CNTRL: variants seen among roughly 807,000 people sequenced by gnomAD.
The protein encoded by CNTRL is centriolin.
CNTRL carries 233 observed loss-of-function variants against 303.7 expected under a neutral mutation model. The ratio of observed to expected loss-of-function variants is 0.77; its 90% CI spans 0.69 to 0.86. The LOEUF is 0.86. Ranked by LOEUF, CNTRL falls within the 40% of genes least tolerant of loss-of-function variation. CNTRL has a pLI of 0.00. For missense variants in CNTRL, 2,524 were observed against 2,650.6 expected (o/e 0.95, Z 1.05); for synonymous variants, 900 against 922.2 (o/e 0.98, Z 0.44).
intron 39 of CNTRL, 65 bp downstream of exon 39, chr9:121,169,881 C>A (rs998217980): frequency 3.9e-6 from 5 of 1,276,366 alleles, no homozygotes; most frequent in Middle Eastern, 4.4e-4. Flanking sequence ...AACTGCAACA[C>A]CACTTCAACA....
Position 121,150,335 on chromosome 9 carries a change from A to G in CNTRL, c.3815A>G (p.Asn1272Ser), listed in dbSNP as rs142819765. 362 of 1,614,120 alleles carry G rather than the reference A, an allele frequency of 2.2e-4. No individual in the cohort carries two copies. In the African/African-American group the frequency reaches 4.1e-3, roughly 18 times the overall value. ...LYAPPPPLPN[N>S]SRPLTPGTVV... ...GCACCACCTCCTCCCTTGCCAAACA[A>G]TAGCCGACCTCTCACCCCTGGCACT... The change falls in exon 25 of 44, where the codon AAT (asparagine) becomes AGT (serine). Residue 1272 changes from asparagine (N) to serine (S), a missense_variant. Coordinates refer to ENST00000373855, the MANE Select transcript of CNTRL (RefSeq NM_007018.6).
intron 11 of CNTRL, among the ~76,000 whole-genome samples, chr9:121,117,935 C>T (rs180876779): frequency 2.0e-5 from 3 of 151,214 alleles, no homozygotes; most frequent in East Asian, 1.9e-4. Flanking sequence ...GCCGAGATCG[C>T]GCCACTGCAC....
At chr9:121,166,269 C>A in intron 36 of CNTRL, 89 bp downstream of exon 36, 2 of 883,610 alleles carry the variant, frequency 2.3e-6, no homozygotes, top group Non-Finnish European at 3.5e-6. Flanking sequence ...TAGGCTGGTT[C>A]CTCTTCACAA....
chr9:121,096,533 C>A lies in CNTRL; in HGVS notation c.591C>A (p.Val197=). Reference sequence around the variant, plus strand: ...GGAAGAAGTTAAAATCTTTGCGAGTCCTCAATTTGAAAGGCAACAAGATAT... The same window carrying A: ...GGAAGAAGTTAAAATCTTTGCGAGTACTCAATTTGAAAGGCAACAAGATAT... ...WLGKKLKSLR[V]LNLKGNKISS... Residue 197 remains valine (V), a synonymous_variant, in exon 6 of 44, where the codon GTC becomes GTA. Coordinates refer to ENST00000373855, the MANE Select transcript of CNTRL (RefSeq NM_007018.6). The A allele has an allele frequency of 6.7e-7, 1 of 1,486,824 alleles. No homozygotes were observed. The highest frequency in any genetic ancestry group is 9.0e-7 in the Non-Finnish European group (1 of 1,108,448). The allele number at this position is 1,486,824 out of a possible 1,614,324, so 92.1% of individuals were successfully genotyped here.
chr9:121,168,019 A>G, intron 37 of CNTRL, 77 bp from the exon 38 acceptor site: 3 of 1,253,058 alleles, frequency 2.4e-6, no homozygotes, highest in Non-Finnish European at 3.4e-6. Flanking sequence ...TTGACCTGGA[A>G]TCTGTCTCAT....
chr9:121,088,647 T>A, intron 3 of CNTRL, 104 bp downstream of exon 3: 1 of 664,920 alleles, frequency 1.5e-6, no homozygotes, highest in Middle Eastern at 3.1e-4. Context: ...CTGGTACTAA[T>A]TTGATCTATT....
At chr9:121,174,910 A>AT in intron 42 of CNTRL, 108 bp from the exon 43 acceptor site, 2 of 950,350 alleles carry the variant, frequency 2.1e-6, no homozygotes, top group South Asian at 2.9e-5. Context: ...TTTGACAGCC[A>AT]TTCCTACTGT....
Position 121,101,198 on chromosome 9 carries a change from G to A in CNTRL, c.808+2626G>A, listed in dbSNP as rs557939479. Among the ~76,000 whole-genome samples the A allele has an allele frequency of 4.2e-4, 64 of 152,240 alleles. 1 individual carries two copies. Among genetic ancestry groups the A allele is most frequent in the African/African-American group, 1.5e-3 (61 of 41,546 alleles). ...AAAAGAACAGAAATTATAACAAACT[G>A]TCTCTCAGACCCCAGTGCAATCAAA... On this transcript the variant is annotated intron_variant, in intron 7 of 43. Transcript: ENST00000373855.
At chr9:121,149,580 A>G (rs1183845214) in intron 24 of CNTRL, among the ~76,000 whole-genome samples, 4 of 151,554 alleles carry the variant, frequency 2.6e-5, no homozygotes, top group Non-Finnish European at 5.9e-5. Context: ...TAATTTTTAT[A>G]TTTTTAGTAG....
chr9:121,162,435 GC>G, intron 34 of CNTRL, 164 bp downstream of exon 34: 5 of 600,120 alleles, frequency 8.3e-6, no homozygotes, highest in East Asian at 6.2e-5. Flanking sequence ...TTTCCTTCTA[GC>G]TTTTTTTTTT....
chr9:121,096,677 T>C (rs557722045), intron 6 of CNTRL, 114 bp downstream of exon 6: 9 of 783,430 alleles, frequency 1.1e-5, no homozygotes, highest in Non-Finnish European at 1.6e-5. Flanking sequence ...CTCCTTTGAC[T>C]AAACACTAGA....
chr9:121,173,454 C>T lies in CNTRL; in HGVS notation c.6629C>T (p.Thr2210Ile), dbSNP rs763603262. Residue 2210 changes from threonine (T) to isoleucine (I), a missense_variant, in exon 41 of 44, where the codon ACC (threonine) becomes ATC (isoleucine). Physicochemically the swap from Thr to Ile is moderately conservative, Grantham distance 89. Coordinates refer to ENST00000373855, the MANE Select transcript of CNTRL (RefSeq NM_007018.6). ...AGCTTGAAAGAGAACCTTCCATTTA[C>T]CATGAATGAGGGACCTTTTGAAGAA... is the stretch of plus-strand genomic sequence containing the variant. The part of the protein sequence containing the change: ...LESLKENLPF[T>I]MNEGPFEEKL... 2.9e-5 allele frequency: 46 copies of T among 1,613,874 alleles called. No individual in the cohort carries two copies. The highest frequency in any genetic ancestry group is 3.8e-5 in the Non-Finnish European group (45 of 1,180,008).
At chr9:121,152,766 A>G (rs545424910) in intron 26 of CNTRL, 73 bp downstream of exon 26, 99 of 1,163,818 alleles carry the variant, frequency 8.5e-5, no homozygotes, top group African/African-American at 5.9e-4. Flanking sequence ...AGAACTTTCT[A>G]TAATCTTGGA....
In CNTRL at chr9:121,152,660, T is replaced by TA. The variant is rs780547538; in HGVS notation, c.4140dup (p.His1381ThrfsTer2). 5 of 1,613,626 alleles carry TA rather than the reference T, an allele frequency of 3.1e-6. No individual in the cohort carries two copies. The highest frequency in any genetic ancestry group is 4.2e-6 in the Non-Finnish European group (5 of 1,179,608). On this transcript the variant is annotated frameshift_variant, in exon 26 of 44. Transcript: ENST00000373855. LOFTEE classifies it high-confidence loss of function. ...AGCTTAGAGTGTGAAGTAGAAGAAT[T>TA]ACATAGAACTGTCCAGAAACGTCAA...
rs373624792 is a variant in CNTRL, at chr9:121,130,592, C to T, written c.2025+4656C>T. On this transcript the variant is annotated intron_variant, in intron 14 of 43. Coordinates refer to ENST00000373855, the MANE Select transcript of CNTRL (RefSeq NM_007018.6). Reference sequence around the variant, plus strand: ...TTTTCAAAAAACCAGCTCCTGGATTCACTGATTCTTTTGAAGGGTTTTTTG... The same window carrying T: ...TTTTCAAAAAACCAGCTCCTGGATTTACTGATTCTTTTGAAGGGTTTTTTG... 4.3e-4 allele frequency among the ~76,000 whole-genome samples: 65 copies of T among 152,234 alleles called. 1 individual carries two copies. The highest frequency in any genetic ancestry group is 1.5e-3 in the African/African-American group (62 of 41,558).
In CNTRL at chr9:121,150,412, C is replaced by T. The variant is rs2052158688; in HGVS notation, c.3892C>T (p.Pro1298Ser). The change falls in exon 25 of 44, where the codon CCC becomes TCC. Residue 1298 changes from proline (P) to serine (S), a missense_variant. Physicochemically the swap from Pro to Ser is moderately conservative, Grantham distance 74. Transcript: ENST00000373855. Reference protein sequence around the residue: ...AGAPMVYGPPPPNFSIPFIPM... With the variant: ...AGAPMVYGPPSPNFSIPFIPM... ...GGCCCCCATGGTGTATGGGCCTCCA[C>T]CCCCCAACTTCTCCATCCCCTTCAT... 6.2e-7 allele frequency: 1 copy of T among 1,614,016 alleles called. No homozygotes were observed. The highest frequency in any genetic ancestry group is 8.5e-7 in the Non-Finnish European group (1 of 1,179,948).
intron 13 of CNTRL, among the ~76,000 whole-genome samples, chr9:121,124,332 AC>A (rs2050389368): frequency 6.6e-6 from 1 of 152,232 alleles, no homozygotes; most frequent in African/African-American, 2.4e-5. Flanking sequence ...AGAAGTCAAT[AC>A]GTGATCATGA....
chr9:121,174,454 C>T (rs2053440348), intron 42 of CNTRL, among the ~76,000 whole-genome samples: 1 of 152,134 alleles, frequency 6.6e-6, no homozygotes, highest in Admixed American at 6.5e-5. Context: ...GCTTAATAGC[C>T]ACATGTGTCT....
Position 121,158,048 on chromosome 9 carries a change from T to C in CNTRL, c.4703T>C (p.Leu1568Pro). The C allele has an allele frequency of 6.2e-7, 1 of 1,614,168 alleles. No individual in the cohort carries two copies. The highest frequency in any genetic ancestry group is 2.2e-5 in the East Asian group (1 of 44,880). The change falls in exon 30 of 44, where the codon CTT becomes CCT. Residue 1568 changes from leucine (L) to proline (P), a missense_variant. Leu to Pro is a moderately conservative substitution (Grantham distance 98, BLOSUM62 -3). Coordinates refer to ENST00000373855, the MANE Select transcript of CNTRL (RefSeq NM_007018.6). ...ERNEDHHLQV[L>P]KESEVLLQAK... is the part of the protein sequence containing the mutation. The stretch of plus-strand genomic sequence containing the variant: ...AATGAGGATCACCACCTGCAGGTCC[T>C]TAAAGAATCTGAGGTGCTTCTTCAG...
Sources: allele counts gnomAD v4.1 joint callset (sites outside exome capture counted in the v4.1 genomes callset), GRCh38; gene constraint gnomAD v4.1.1; transcripts MANE v1.5; gene names NCBI Gene and HGNC (gene_info 2026-07-23, HGNC 2026-07-21).